The following CENPW variants were observed in gnomAD, a reference collection of about 807,000 sequenced individuals.
The protein encoded by CENPW is centromere protein W, also known as cancer-up-regulated gene 2 protein.
CENPW carries 3 observed loss-of-function variants against 11.1 expected under a neutral mutation model. The ratio of observed to expected loss-of-function variants is 0.27; its 90% CI spans 0.12 to 0.70. The LOEUF (loss-of-function observed/expected upper bound fraction) is 0.70. CENPW is among the 30% of genes least tolerant of loss of function. CENPW has a pLI of 0.77. For synonymous variants in CENPW, 38 were observed against 42.0 expected, an observed-to-expected ratio of 0.91 and a Z score of 0.37; for missense variants, 100 against 105.6, an observed-to-expected ratio of 0.95 and a Z score of 0.23.
chr6:126,482,660 A>G, the CENPW span, among the ~76,000 whole-genome samples: 1 of 151,956 alleles, frequency 6.6e-6, no homozygotes, highest in South Asian at 2.1e-4. Flanking sequence ...CCAGCTAAGT[A>G]TTTTTGAGTG....
chr6:126,347,419 A>C (rs1309197295), intron 2 of CENPW, among the ~76,000 whole-genome samples: 4 of 152,182 alleles, frequency 2.6e-5, no homozygotes, highest in Non-Finnish European at 5.9e-5. Flanking sequence ...AGAGAAATAT[A>C]GCAATAAGGA....
At chr6:126,423,071 T>C in the CENPW span, among the ~76,000 whole-genome samples, 1 of 152,148 alleles carries the variant, frequency 6.6e-6, no homozygotes, top group Non-Finnish European at 1.5e-5. Flanking sequence ...TATTTTCTTC[T>C]TGCATAAATC....
chr6:126,376,792 T>C, the CENPW span, among the ~76,000 whole-genome samples: 2 of 152,142 alleles, frequency 1.3e-5, no homozygotes, highest in African/African-American at 4.8e-5. Context: ...AAGTGTTCCA[T>C]ATGGTGAATA....
At chr6:126,408,859 GTTTTTTCCC>G in the CENPW span, among the ~76,000 whole-genome samples, 1 of 150,556 alleles carries the variant, frequency 6.6e-6, no homozygotes, top group South Asian at 2.1e-4. Context: ...AGTCTTCTCT[GTTTTTTCCC>G]TAGTCTAAGT....
chr6:126,356,472 A>G, the CENPW span, among the ~76,000 whole-genome samples: 2 of 152,206 alleles, frequency 1.3e-5, no homozygotes, highest in African/African-American at 4.8e-5. Flanking sequence ...GAGACATTTA[A>G]TCATTCCTAA....
the CENPW span, among the ~76,000 whole-genome samples, chr6:126,376,746 A>G: frequency 6.6e-6 from 1 of 152,304 alleles, no homozygotes; most frequent in East Asian, 1.9e-4. Flanking sequence ...AGGGCACATA[A>G]TACTTTCCCT....
At chr6:126,445,820 G>T in the CENPW span, among the ~76,000 whole-genome samples, 8 of 151,218 alleles carry the variant, frequency 5.3e-5, no homozygotes, top group African/African-American at 1.9e-4. Context: ...ACTCAGGAAT[G>T]CATTCCCATT....
At chr6:126,394,194 GTCT>G in the CENPW span, among the ~76,000 whole-genome samples, 7 of 141,460 alleles carry the variant, frequency 4.9e-5, no homozygotes, top group Non-Finnish European at 1.1e-4. Context: ...ATGTTTTGTG[GTCT>G]TCTTTTCCTT....
At chr6:126,425,306 TCTTTC>T in the CENPW span, among the ~76,000 whole-genome samples, 22 of 152,140 alleles carry the variant, frequency 1.4e-4, no homozygotes, top group Non-Finnish European at 2.4e-4. Context: ...GAGGTCAAAG[TCTTTC>T]CTTTCCTTCT....
chr6:126,442,262 T>C, the CENPW span, among the ~76,000 whole-genome samples: 8 of 151,794 alleles, frequency 5.3e-5, no homozygotes, highest in African/African-American at 1.9e-4. Context: ...TTTTGAGAGT[T>C]GTCTATTCAT....
At chr6:126,441,667 ATAGTT>A in the CENPW span, among the ~76,000 whole-genome samples, 2 of 151,282 alleles carry the variant, frequency 1.3e-5, no homozygotes, top group African/African-American at 2.4e-5. Context: ...TTGCATCCTC[ATAGTT>A]TAGCCCCCAC....
chr6:126,361,881 G>A, the CENPW span, among the ~76,000 whole-genome samples: 1 of 152,142 alleles, frequency 6.6e-6, no homozygotes, highest in Non-Finnish European at 1.5e-5. Flanking sequence ...CTTAAGTGCC[G>A]GCCACAACTT....
the CENPW span, among the ~76,000 whole-genome samples, chr6:126,375,395 A>G: frequency 6.6e-6 from 1 of 152,192 alleles, no homozygotes; most frequent in Admixed American, 6.5e-5. Flanking sequence ...CTTTTTATGC[A>G]GGTCATTTTA....
rs3816513 is a variant in CENPW at position 126,348,832 on chromosome 6, A to G, written c.*340A>G. On this transcript the variant is annotated 3_prime_UTR_variant, in exon 3 of 3. Transcript: ENST00000368328. ...CTTAGAATTAAGTTTATATATATTT[A>G]GATTTAGCCACAGTTAACTATGGAA... 1.6e-4 allele frequency: 26 copies of G among 165,420 alleles called. No individual in the cohort carries two copies. In the East Asian group the frequency reaches 4.2e-3, roughly 27 times the overall value. The allele number at this position is 165,420 out of a possible 1,614,324, so 10.2% of individuals were successfully genotyped here.
the CENPW span, among the ~76,000 whole-genome samples, chr6:126,427,933 C>T: frequency 6.6e-6 from 1 of 152,182 alleles, no homozygotes; most frequent in Non-Finnish European, 1.5e-5. Context: ...AACTTACCTT[C>T]CCTTATTATT....
the CENPW span, among the ~76,000 whole-genome samples, chr6:126,425,705 A>G: frequency 6.6e-6 from 1 of 151,982 alleles, no homozygotes; most frequent in Non-Finnish European, 1.5e-5. Flanking sequence ...TTTGTAAGGT[A>G]TATAAAAGTG....
At chr6:126,482,634 T>C in the CENPW span, among the ~76,000 whole-genome samples, 2 of 151,982 alleles carry the variant, frequency 1.3e-5, no homozygotes, top group South Asian at 4.1e-4. Context: ...TGAATTGCAA[T>C]AGTGTTTTAT....
At chr6:126,480,830 A>G in the CENPW span, among the ~76,000 whole-genome samples, 1 of 152,046 alleles carries the variant, frequency 6.6e-6, no homozygotes. Context: ...TCAATTAAAT[A>G]CTTTCTAAAG....
the CENPW span, among the ~76,000 whole-genome samples, chr6:126,431,871 C>T: frequency 6.6e-6 from 1 of 151,776 alleles, no homozygotes; most frequent in African/African-American, 2.4e-5. Context: ...TCAAGACCAG[C>T]CTGGCCAACA....
Sources: allele counts gnomAD v4.1 joint callset (sites outside exome capture counted in the v4.1 genomes callset), GRCh38; gene constraint gnomAD v4.1.1; transcripts MANE v1.5; gene names NCBI Gene and HGNC (gene_info 2026-07-23, HGNC 2026-07-21).